The following NOL4 variants were observed in gnomAD, a reference collection of about 807,000 sequenced individuals.
The protein encoded by NOL4 is nucleolar protein 4, also known as cancer/testis antigen 125.
NOL4 carries 17 observed loss-of-function variants against 75.9 expected under a neutral mutation model. The observed-to-expected ratio is 0.22, with a 90% CI of 0.15 to 0.34. The LOEUF is 0.34. NOL4 is among the 10% of genes least tolerant of loss of function. NOL4 has a pLI of 1.00. For synonymous variants in NOL4, 292 were observed against 289.9 expected, an observed-to-expected ratio of 1.01 and a Z score of -0.07; for missense variants, 614 against 793.5, an observed-to-expected ratio of 0.77 and a Z score of 2.72.
intron 6 of NOL4, among the ~76,000 whole-genome samples, chr18:33,999,866 T>C (rs142382568): frequency 0.013 from 2,019 of 152,050 alleles, 42 homozygotes; most frequent in African/African-American, 0.046. Flanking sequence ...GTTGGCCTGG[T>C]TGGTATCGAA....
At chr18:33,940,477 C>T (rs959339246) in intron 9 of NOL4, among the ~76,000 whole-genome samples, 4 of 151,984 alleles carry the variant, frequency 2.6e-5, no homozygotes, top group African/African-American at 7.2e-5. Context: ...CATGTTCTCA[C>T]TCATAAGTGG....
chr18:34,026,608 C>G (rs928187601), intron 5 of NOL4, among the ~76,000 whole-genome samples: 7 of 152,104 alleles, frequency 4.6e-5, no homozygotes, highest in African/African-American at 1.7e-4. Context: ...CAGATGGATC[C>G]CAATCCCAAC....
At chr18:33,951,857 C>G (rs1356613346) in intron 8 of NOL4, among the ~76,000 whole-genome samples, 1 of 152,114 alleles carries the variant, frequency 6.6e-6, no homozygotes, top group African/African-American at 2.4e-5. Context: ...CTTTCTTGGG[C>G]CCAGCTTTAT....
Position 34,019,309 on chromosome 18 carries a change from T to G in NOL4, c.1056+9A>C, listed in dbSNP as rs1214355632. The G allele has an allele frequency of 6.2e-7, 1 of 1,607,530 alleles. No homozygotes were observed. The highest frequency in any genetic ancestry group is 1.7e-5 in the Admixed American group (1 of 59,676). ...CTCAAAAATTCTGGAAATTGTAATG[T>G]GATCATACCTTGCTTCCATTTTCTC... On this transcript the variant is annotated intron_variant, in intron 6 of 10. Coordinates refer to ENST00000261592, the MANE Select transcript of NOL4 (RefSeq NM_003787.5).
chr18:33,893,899 T>C (rs761930677), intron 9 of NOL4, among the ~76,000 whole-genome samples: 7 of 152,142 alleles, frequency 4.6e-5, no homozygotes, highest in Non-Finnish European at 8.8e-5. Context: ...ATTACCACTG[T>C]AAAATAGTAA....
chr18:34,163,878 G>T (rs891611127), intron 1 of NOL4, among the ~76,000 whole-genome samples: 11 of 152,108 alleles, frequency 7.2e-5, no homozygotes, highest in Non-Finnish European at 8.8e-5. Flanking sequence ...GCATGGTACT[G>T]GTACCAAAAC....
At chr18:34,061,204 C>T (rs2077050970) in intron 5 of NOL4, among the ~76,000 whole-genome samples, 1 of 152,146 alleles carries the variant, frequency 6.6e-6, no homozygotes, top group South Asian at 2.1e-4. Flanking sequence ...GGTTTATATA[C>T]ATGTATTTGG....
intron 8 of NOL4, among the ~76,000 whole-genome samples, chr18:33,944,834 C>G (rs576573489): frequency 2.0e-5 from 3 of 151,956 alleles, no homozygotes; most frequent in East Asian, 3.9e-4. Flanking sequence ...ATTTCATTCT[C>G]TACTTCACTA....
chr18:34,033,179 C>G (rs1232734461), intron 5 of NOL4, among the ~76,000 whole-genome samples: 1 of 151,846 alleles, frequency 6.6e-6, no homozygotes, highest in Admixed American at 6.6e-5. Flanking sequence ...TTTAAAGGGC[C>G]ATAATTTTCC....
At chr18:34,141,838 C>T (rs1267626544) in intron 1 of NOL4, among the ~76,000 whole-genome samples, 1 of 152,120 alleles carries the variant, frequency 6.6e-6, no homozygotes, top group Non-Finnish European at 1.5e-5. Context: ...CAAATGGGAT[C>T]TAATTAAACT....
At chr18:33,989,575 A>T (rs1476292425) in intron 6 of NOL4, among the ~76,000 whole-genome samples, 2 of 152,098 alleles carry the variant, frequency 1.3e-5, no homozygotes, top group Non-Finnish European at 2.9e-5. Context: ...TTCTGTAGAG[A>T]CAGAGGGAAG....
intron 2 of NOL4, among the ~76,000 whole-genome samples, chr18:34,110,636 C>T (rs1175243630): frequency 6.6e-6 from 1 of 152,050 alleles, no homozygotes; most frequent in African/African-American, 2.4e-5. Flanking sequence ...GACAAGGATG[C>T]CCACTTTTGT....
chr18:34,218,998 ACT>A (rs1456133304), intron 1 of NOL4, among the ~76,000 whole-genome samples: 1 of 152,214 alleles, frequency 6.6e-6, no homozygotes, highest in Non-Finnish European at 1.5e-5. Flanking sequence ...AAAAACAGTT[ACT>A]GTTTATGAGT....
At chr18:33,955,179 T>C (rs1600037380) in intron 8 of NOL4, among the ~76,000 whole-genome samples, 1 of 152,116 alleles carries the variant, frequency 6.6e-6, no homozygotes, top group Non-Finnish European at 1.5e-5. Flanking sequence ...AGATCTTATA[T>C]GAAAGGCTAG....
intron 7 of NOL4, 152 bp downstream of exon 7, chr18:33,958,087 T>A: frequency 2.9e-6 from 2 of 700,968 alleles, no homozygotes; most frequent in South Asian, 4.5e-5. Flanking sequence ...GCAATTCTGG[T>A]GTCTGGTTGG....
chr18:33,903,848 A>C (rs1330629656), intron 9 of NOL4, among the ~76,000 whole-genome samples: 1 of 152,154 alleles, frequency 6.6e-6, no homozygotes, highest in Non-Finnish European at 1.5e-5. Context: ...TCCATTTTGC[A>C]CTGCAAACAT....
intron 1 of NOL4, among the ~76,000 whole-genome samples, chr18:34,140,312 C>T (rs960172070): frequency 6.6e-6 from 1 of 152,116 alleles, no homozygotes; most frequent in Admixed American, 6.6e-5. Flanking sequence ...GTGTGGGAGT[C>T]TCAGTCTCTT....
Position 33,965,290 on chromosome 18 carries a change from C to T in NOL4, c.1057-6872G>A, listed in dbSNP as rs181517516. Among the ~76,000 whole-genome samples, 739 of 152,194 alleles carry T rather than the reference C, an allele frequency of 4.9e-3. 4 individuals are homozygous for T. The highest frequency in any genetic ancestry group is 0.014 in the South Asian group (68 of 4,822). On this transcript the variant is annotated intron_variant, in intron 6 of 10. Transcript: ENST00000261592. ...AGGAGTTTAAGACAAGCCTGGGCAA[C>T]ATAGTGAGACCTCCATCCCTAAAAA...
intron 9 of NOL4, among the ~76,000 whole-genome samples, chr18:33,884,074 C>A (rs1306422107): frequency 2.0e-5 from 3 of 152,006 alleles, no homozygotes; most frequent in Admixed American, 1.3e-4. Context: ...GTACTGCACA[C>A]TTGGAAAATG....
Sources: allele counts gnomAD v4.1 joint callset (sites outside exome capture counted in the v4.1 genomes callset), GRCh38; gene constraint gnomAD v4.1.1; transcripts MANE v1.5; gene names NCBI Gene and HGNC (gene_info 2026-07-23, HGNC 2026-07-21).